PCSK2: variants seen among roughly 807,000 people sequenced by gnomAD.
PCSK2 encodes neuroendocrine convertase 2.
Under a neutral mutation model 69.7 loss-of-function variants are expected in PCSK2, and 14 were observed. The ratio of observed to expected loss-of-function variants is 0.20; its 90% CI spans 0.13 to 0.31. The LOEUF (loss-of-function observed/expected upper bound fraction) is 0.31. PCSK2 is among the 10% of genes least tolerant of loss of function. The pLI is 1.00. For synonymous variants in PCSK2, 307 were observed against 320.7 expected, an observed-to-expected ratio of 0.96 and a Z score of 0.46; for missense variants, 544 against 842.5, an observed-to-expected ratio of 0.65 and a Z score of 4.39.
chr20:17,234,780 A>G (rs1471890075), intron 1 of PCSK2, among the ~76,000 whole-genome samples: 1 of 152,188 alleles, frequency 6.6e-6, no homozygotes, highest in Non-Finnish European at 1.5e-5. Context: ...TAGGTTCACA[A>G]TAATTATATA....
intron 5 of PCSK2, among the ~76,000 whole-genome samples, chr20:17,382,979 T>TA (rs2031129203): frequency 6.6e-6 from 1 of 152,292 alleles, no homozygotes; most frequent in South Asian, 2.1e-4. Flanking sequence ...GTTCTTAAGA[T>TA]AGTCTGTGGT....
chr20:17,387,898 G>A (rs548448390), intron 5 of PCSK2, among the ~76,000 whole-genome samples: 26 of 152,284 alleles, frequency 1.7e-4, no homozygotes, highest in Admixed American at 1.4e-3. Context: ...TTGCTACAGC[G>A]GAAGAGTACT....
At chr20:17,381,629 T>C (rs767581591) in intron 5 of PCSK2, among the ~76,000 whole-genome samples, 3 of 151,908 alleles carry the variant, frequency 2.0e-5, no homozygotes, top group Non-Finnish European at 4.4e-5. Context: ...ATCAAAAGAG[T>C]ATAATGATTA....
At chr20:17,460,278 AAAGAAAG>A (rs2032993773) in intron 10 of PCSK2, among the ~76,000 whole-genome samples, 1 of 152,180 alleles carries the variant, frequency 6.6e-6, no homozygotes, top group East Asian at 1.9e-4. Flanking sequence ...ATAAAAAAAG[AAAGAAAG>A]AAAAGAAAGA....
chr20:17,452,149 G>T (rs956387511), intron 8 of PCSK2, among the ~76,000 whole-genome samples: 3 of 151,828 alleles, frequency 2.0e-5, no homozygotes, highest in Middle Eastern at 3.4e-3. Flanking sequence ...CAAAGTGCTG[G>T]GATTACAGGC....
intron 8 of PCSK2, among the ~76,000 whole-genome samples, chr20:17,438,899 T>C (rs2032540474): frequency 6.6e-6 from 1 of 152,190 alleles, no homozygotes; most frequent in Admixed American, 6.5e-5. Context: ...GTTTTGGAGT[T>C]CCTTCCCCTC....
intron 10 of PCSK2, among the ~76,000 whole-genome samples, chr20:17,460,763 T>A (rs1437635985): frequency 6.6e-6 from 1 of 152,214 alleles, no homozygotes; most frequent in Non-Finnish European, 1.5e-5. Context: ...AATATTGAGG[T>A]CAATACTTAG....
At chr20:17,266,937 C>T (rs1987633319) in intron 2 of PCSK2, among the ~76,000 whole-genome samples, 1 of 152,150 alleles carries the variant, frequency 6.6e-6, no homozygotes, top group African/African-American at 2.4e-5. Context: ...TGTGAGGGCC[C>T]TAAAGAGGAA....
At chr20:17,283,684 G>A (rs902134317) in intron 2 of PCSK2, among the ~76,000 whole-genome samples, 2 of 152,052 alleles carry the variant, frequency 1.3e-5, no homozygotes, top group African/African-American at 4.8e-5. Flanking sequence ...TTTTTGAAAC[G>A]CAGTTAAGAC....
chr20:17,441,677 G>T (rs781590731), intron 8 of PCSK2, among the ~76,000 whole-genome samples: 21 of 151,810 alleles, frequency 1.4e-4, no homozygotes, highest in Non-Finnish European at 2.6e-4. Context: ...AAAACCATGA[G>T]ATCTCATGAG....
chr20:17,315,981 C>T (rs777300308), intron 2 of PCSK2, among the ~76,000 whole-genome samples: 2 of 152,220 alleles, frequency 1.3e-5, no homozygotes, highest in African/African-American at 2.4e-5. Flanking sequence ...GTTGACAACG[C>T]GATCATTCCT....
chr20:17,472,941 C>A (rs2033227558), intron 11 of PCSK2, among the ~76,000 whole-genome samples: 1 of 152,144 alleles, frequency 6.6e-6, no homozygotes, highest in South Asian at 2.1e-4. Flanking sequence ...ACACCTATTT[C>A]TTGACACAAG....
chr20:17,344,677 A>G (rs945500735), intron 2 of PCSK2, among the ~76,000 whole-genome samples: 1 of 152,220 alleles, frequency 6.6e-6, no homozygotes, highest in African/African-American at 2.4e-5. Flanking sequence ...AAGAAACAAT[A>G]CTGCAACCTT....
intron 1 of PCSK2, among the ~76,000 whole-genome samples, chr20:17,238,749 C>A (rs571401394): frequency 3.0e-4 from 46 of 152,046 alleles, no homozygotes; most frequent in Non-Finnish European, 6.0e-4. Flanking sequence ...CCATTTTACC[C>A]GTAGAATTTT....
intron 1 of PCSK2, 92 bp downstream of exon 1, chr20:17,227,574 T>C (rs1985976365): frequency 1.1e-6 from 1 of 949,104 alleles, no homozygotes; most frequent in South Asian, 1.6e-5. Context: ...GCAAGTTTTC[T>C]CTCTTTCTCA....
rs139905069 is a variant in PCSK2, at chr20:17,416,013, C to G, written c.620+6674C>G. On this transcript the variant is annotated intron_variant, in intron 6 of 11. Transcript: ENST00000262545. ...CTCGATCCCTTCCTTATACCTTATACAAAAATTAATTCAAGATGGATTAAA... is the reference window on the plus strand; with the variant it reads ...CTCGATCCCTTCCTTATACCTTATAGAAAAATTAATTCAAGATGGATTAAA... Among the ~76,000 whole-genome samples the G allele has an allele frequency of 3.5e-3, 538 of 152,224 alleles. 5 individuals carry two copies. The highest frequency in any genetic ancestry group is 0.012 in the African/African-American group (510 of 41,520).
rs74668677 is a variant in PCSK2, at chr20:17,316,949, G to A, written c.283-41378G>A. 4.6e-3 allele frequency among the ~76,000 whole-genome samples: 699 copies of A among 152,250 alleles called. 5 individuals carry two copies. Among genetic ancestry groups the A allele is most frequent in the African/African-American group, 0.016 (661 of 41,542 alleles). On this transcript the variant is annotated intron_variant, in intron 2 of 11. Transcript: ENST00000262545. ...CAGCCAAAAGTCATCAAAAATTAAT[G>A]CTAGTATTTTCTCTCTCAGAGAATG...
chr20:17,367,961 G>A lies in PCSK2; in HGVS notation c.506-1279G>A, dbSNP rs983383214. Among the ~76,000 whole-genome samples, 14 of 152,270 alleles carry A rather than the reference G, an allele frequency of 9.2e-5. No homozygotes were observed. In the South Asian group the frequency reaches 1.5e-3, roughly 16 times the overall value. ...GGGGACTATAGTCTCCCAAACTATA[G>A]AAAGCAGCCATAGTGACAGCAATTG... On this transcript the variant is annotated intron_variant, in intron 4 of 11. Coordinates refer to ENST00000262545, the MANE Select transcript of PCSK2 (RefSeq NM_002594.5).
intron 2 of PCSK2, among the ~76,000 whole-genome samples, chr20:17,322,646 G>C (rs1012971054): frequency 6.6e-6 from 1 of 152,158 alleles, no homozygotes; most frequent in Non-Finnish European, 1.5e-5. Flanking sequence ...GCAGTTATGG[G>C]GTCTGTCAGG....
Sources: gnomAD v4.1 joint callset for allele counts (sites outside exome capture counted in the v4.1 genomes callset) on GRCh38, gnomAD v4.1.1 for gene constraint, MANE v1.5 for transcripts, NCBI Gene and HGNC (gene_info 2026-07-23, HGNC 2026-07-21) for gene names.